The following CNTNAP2 variants were observed in gnomAD, a reference collection of about 807,000 sequenced individuals.
CNTNAP2 encodes contactin associated protein 2, also known as contactin-associated protein-like 2.
CNTNAP2 carries 98 observed loss-of-function variants against 155.2 expected under a neutral mutation model. The ratio of observed to expected loss-of-function variants is 0.63; its 90% CI spans 0.54 to 0.75. The LOEUF is 0.75. CNTNAP2 is among the 30% of genes least tolerant of loss of function. The pLI is 0.00. For missense variants in CNTNAP2, 1,727 were observed against 1,688.1 expected, an observed-to-expected ratio of 1.02 and a Z score of -0.40; for synonymous variants, 651 against 631.2, an observed-to-expected ratio of 1.03 and a Z score of -0.47.
chr7:146,295,402 T>C (rs1356612134), intron 1 of CNTNAP2, among the ~76,000 whole-genome samples: 4 of 152,170 alleles, frequency 2.6e-5, no homozygotes, highest in African/African-American at 9.7e-5. Context: ...CCTTCCAGTT[T>C]TCTAGGCTGG....
chr7:147,967,835 C>G (rs144845996), intron 14 of CNTNAP2, among the ~76,000 whole-genome samples: 4 of 151,924 alleles, frequency 2.6e-5, no homozygotes, highest in African/African-American at 9.7e-5. Flanking sequence ...CCTTTCACCA[C>G]GTTAATGAGA....
chr7:146,138,202 A>G (rs1300843973), intron 1 of CNTNAP2, among the ~76,000 whole-genome samples: 2 of 152,124 alleles, frequency 1.3e-5, no homozygotes, highest in African/African-American at 2.4e-5. Context: ...TGGGAATTCT[A>G]TGAAGAAGTA....
At chr7:148,302,721 A>G (rs1585255855) in intron 21 of CNTNAP2, among the ~76,000 whole-genome samples, 1 of 150,496 alleles carries the variant, frequency 6.6e-6, no homozygotes. Context: ...CCCCTTCCCC[A>G]TGATTGTAAG....
intron 15 of CNTNAP2, among the ~76,000 whole-genome samples, chr7:148,053,732 T>C (rs547618227): frequency 1.3e-5 from 2 of 152,342 alleles, no homozygotes; most frequent in Admixed American, 6.5e-5. Flanking sequence ...GCTGGTAAAT[T>C]ATTTATAATA....
At chr7:148,244,140 T>A (rs1263818288) in intron 20 of CNTNAP2, among the ~76,000 whole-genome samples, 1 of 152,252 alleles carries the variant, frequency 6.6e-6, no homozygotes, top group African/African-American at 2.4e-5. Flanking sequence ...TTCATTTGTC[T>A]TTTAAGGAAT....
In CNTNAP2 at chr7:148,206,529, C is replaced by T. The variant is rs149340643; in HGVS notation, c.3011-10759C>T. Among the ~76,000 whole-genome samples the T allele has an allele frequency of 2.4e-4, 37 of 152,188 alleles. No individual in the cohort carries two copies. The East Asian group carries it at 6.4e-3, about 26-fold the overall frequency. ...ATTCAAGACCTTCCTGGCCTCAATCCTGCCTTTCTTCAGCAGCACCTGCAG... is the reference window on the plus strand; with the variant it reads ...ATTCAAGACCTTCCTGGCCTCAATCTTGCCTTTCTTCAGCAGCACCTGCAG... On this transcript the variant is annotated intron_variant, in intron 18 of 23. Coordinates refer to ENST00000361727, the MANE Select transcript of CNTNAP2 (RefSeq NM_014141.6).
chr7:148,118,042 A>G, intron 15 of CNTNAP2, 76 bp from the exon 16 acceptor site: 2 of 1,487,500 alleles, frequency 1.3e-6, no homozygotes, highest in Non-Finnish European at 9.3e-7. Context: ...TATTAAACTC[A>G]AGCAATGGGT....
chr7:146,665,788 A>AAAAAAAAAACAAAAAAAAAAAAAAAC lies in CNTNAP2; in HGVS notation c.98-108474_98-108473insCAAAAAAAAAAAAAAACAAAAAAAAA, dbSNP rs1563179417. ...GGAGTGAGACTCTGTCTCATTAAAAAAAAAAAAAAATACATTTTGTAACTG... is the reference window on the plus strand; with the variant it reads ...GGAGTGAGACTCTGTCTCATTAAAAAAAAAAAAAACAAAAAAAAAAAAAAACAAAAAAAAAATACATTTTGTAACTG... On this transcript the variant is annotated intron_variant, in intron 1 of 23. Coordinates refer to ENST00000361727, the MANE Select transcript of CNTNAP2 (RefSeq NM_014141.6). Among the ~76,000 whole-genome samples the AAAAAAAAAACAAAAAAAAAAAAAAAC allele has an allele frequency of 1.5e-4, 21 of 142,116 alleles. 2 individuals carry two copies. The highest frequency in any genetic ancestry group is 5.7e-4 in the African/African-American group (21 of 36,994). 93.2% of individuals were successfully genotyped at this position (142,116 alleles called of 152,430 possible).
At chr7:146,415,323 C>T (rs571279583) in intron 1 of CNTNAP2, among the ~76,000 whole-genome samples, 1 of 152,168 alleles carries the variant, frequency 6.6e-6, no homozygotes, top group East Asian at 1.9e-4. Context: ...TTGTGTTTTT[C>T]TGTTATTGCC....
At chr7:146,391,022 G>A (rs1241164431) in intron 1 of CNTNAP2, among the ~76,000 whole-genome samples, 1 of 139,546 alleles carries the variant, frequency 7.2e-6, no homozygotes, top group Non-Finnish European at 1.5e-5. Flanking sequence ...AGCCGAGATC[G>A]CGCCACTGCA....
At chr7:147,857,344 T>C (rs1170369212) in intron 13 of CNTNAP2, among the ~76,000 whole-genome samples, 1 of 152,218 alleles carries the variant, frequency 6.6e-6, no homozygotes, top group East Asian at 1.9e-4. Context: ...TAAAATGGGT[T>C]TTCTCTGTTC....
intron 10 of CNTNAP2, among the ~76,000 whole-genome samples, chr7:147,468,368 A>C (rs150909418): frequency 3.9e-5 from 6 of 152,302 alleles, no homozygotes; most frequent in Non-Finnish European, 7.3e-5. Context: ...TTTTGATATT[A>C]CTTGTATATT....
intron 12 of CNTNAP2, among the ~76,000 whole-genome samples, chr7:147,592,427 A>G (rs943320514): frequency 5.9e-5 from 9 of 151,694 alleles, no homozygotes; most frequent in Admixed American, 1.3e-4. Context: ...AAATTAATAC[A>G]CCAATAATTA....
At chr7:147,050,374 G>A (rs1318164943) in intron 4 of CNTNAP2, among the ~76,000 whole-genome samples, 1 of 152,188 alleles carries the variant, frequency 6.6e-6, no homozygotes, top group Non-Finnish European at 1.5e-5. Context: ...TTTAGTCAGA[G>A]TCCTCTTAAA....
At chr7:148,294,668 G>T (rs925583678) in intron 21 of CNTNAP2, among the ~76,000 whole-genome samples, 1 of 152,102 alleles carries the variant, frequency 6.6e-6, no homozygotes, top group Non-Finnish European at 1.5e-5. Context: ...GATCAACTTT[G>T]TATATTACTG....
intron 13 of CNTNAP2, among the ~76,000 whole-genome samples, chr7:147,803,316 G>T (rs935744881): frequency 6.6e-6 from 1 of 152,184 alleles, no homozygotes; most frequent in African/African-American, 2.4e-5. Flanking sequence ...TTGGGGGACA[G>T]GGTCCATGAA....
chr7:147,792,801 A>G (rs948378803), intron 13 of CNTNAP2, among the ~76,000 whole-genome samples: 4 of 152,112 alleles, frequency 2.6e-5, no homozygotes, highest in Non-Finnish European at 4.4e-5. Flanking sequence ...CAGCTGCACC[A>G]TTTTACATCC....
chr7:146,415,889 G>C (rs1486506336), intron 1 of CNTNAP2, among the ~76,000 whole-genome samples: 1 of 152,000 alleles, frequency 6.6e-6, no homozygotes, highest in East Asian at 1.9e-4. Flanking sequence ...TCTTTCAGTT[G>C]ATAACAATGT....
intron 4 of CNTNAP2, among the ~76,000 whole-genome samples, chr7:147,046,200 A>G (rs1037232130): frequency 3.3e-5 from 5 of 152,128 alleles, no homozygotes; most frequent in Admixed American, 1.3e-4. Context: ...ATAAGCACCC[A>G]CCTGACCGTC....
Sources: allele counts gnomAD v4.1 joint callset (sites outside exome capture counted in the v4.1 genomes callset), GRCh38; gene constraint gnomAD v4.1.1; transcripts MANE v1.5; gene names NCBI Gene and HGNC (gene_info 2026-07-23, HGNC 2026-07-21).